The following PHKB variants were observed in gnomAD, a reference collection of about 807,000 sequenced individuals.
The protein encoded by PHKB is phosphorylase b kinase regulatory subunit beta.
A neutral mutation model predicts 152.1 loss-of-function variants in PHKB; 122 were observed. The observed-to-expected ratio is 0.80, with a 90% CI of 0.69 to 0.93. The LOEUF (loss-of-function observed/expected upper bound fraction) is 0.93, where lower values mean the gene tolerates loss of function less well. Ranked by LOEUF, PHKB falls within the 40% of genes least tolerant of loss-of-function variation. PHKB has a pLI of 0.00. For synonymous variants in PHKB, 436 were observed against 464.9 expected (o/e 0.94, Z 0.80); for missense variants, 1,304 against 1,328.4 (o/e 0.98, Z 0.29).
intron 1 of PHKB, among the ~76,000 whole-genome samples, chr16:47,474,853 T>C (rs569486071): frequency 6.6e-6 from 1 of 152,160 alleles, no homozygotes; most frequent in Non-Finnish European, 1.5e-5. Flanking sequence ...GCCTCCCAAG[T>C]AGCTGGGATT....
intron 6 of PHKB, among the ~76,000 whole-genome samples, chr16:47,530,608 C>T (rs1365348447): frequency 6.6e-6 from 1 of 152,048 alleles, no homozygotes; most frequent in Non-Finnish European, 1.5e-5. Context: ...AGATAAACTA[C>T]TAAAAGTCAT....
intron 1 of PHKB, among the ~76,000 whole-genome samples, chr16:47,488,020 G>A (rs777622992): frequency 4.6e-5 from 7 of 152,116 alleles, no homozygotes; most frequent in South Asian, 2.1e-4. Flanking sequence ...AACTGTTTTC[G>A]ACAGTGACTG....
chr16:47,637,890 G>T (rs898465935), intron 14 of PHKB, among the ~76,000 whole-genome samples: 5 of 152,166 alleles, frequency 3.3e-5, no homozygotes, highest in African/African-American at 1.2e-4. Flanking sequence ...TAGATTGAGT[G>T]TCTGGTGTGG....
chr16:47,570,441 A>G (rs1971638870), intron 7 of PHKB, among the ~76,000 whole-genome samples: 2 of 152,256 alleles, frequency 1.3e-5, no homozygotes, highest in South Asian at 2.1e-4. Context: ...GATGTTTTAC[A>G]TGGTCCCGTA....
intron 6 of PHKB, among the ~76,000 whole-genome samples, chr16:47,521,378 G>A (rs1448983351): frequency 6.6e-6 from 1 of 152,134 alleles, no homozygotes; most frequent in Non-Finnish European, 1.5e-5. Context: ...TGTGGGCTGG[G>A]TGCGGTGGCT....
chr16:47,614,783 A>T lies in PHKB; in HGVS notation c.1458+3863A>T, dbSNP rs567266763. 1.9e-3 allele frequency among the ~76,000 whole-genome samples: 294 copies of T among 152,298 alleles called. 1 individual carries two copies. The highest frequency in any genetic ancestry group is 6.8e-3 in the African/African-American group (284 of 41,570). ...TTTGATTAAAGAAGTTCATGGGATG[A>T]TGGATAGTCTATTGTACTGACCTCA... On this transcript the variant is annotated intron_variant, in intron 14 of 30. Transcript: ENST00000323584.
At chr16:47,465,375 C>T (rs1969650327) in intron 1 of PHKB, among the ~76,000 whole-genome samples, 1 of 152,164 alleles carries the variant, frequency 6.6e-6, no homozygotes, top group Non-Finnish European at 1.5e-5. Flanking sequence ...AGCTTTTATG[C>T]ATCAACAGTC....
At chr16:47,590,631 A>C (rs1388468544) in intron 10 of PHKB, 1 of 150,906 alleles carries the variant, frequency 6.6e-6, no homozygotes, top group African/African-American at 2.5e-5. Flanking sequence ...CCTGCAACTA[A>C]CTACCACCTC....
At chr16:47,473,050 T>G (rs8051415) in intron 1 of PHKB, among the ~76,000 whole-genome samples, 17,170 of 150,796 alleles carry the variant, frequency 0.11, 2,074 homozygotes, top group African/African-American at 0.31. Flanking sequence ...GTGTTTTTTT[T>G]TTTGTTTGTT....
At chr16:47,680,115 A>C (rs866287609) in intron 26 of PHKB, among the ~76,000 whole-genome samples, 1 of 152,310 alleles carries the variant, frequency 6.6e-6, no homozygotes, top group South Asian at 2.1e-4. Flanking sequence ...CTCAGGGATG[A>C]AGCCCACTTG....
intron 7 of PHKB, among the ~76,000 whole-genome samples, chr16:47,557,726 A>G (rs1204113790): frequency 6.6e-6 from 1 of 152,174 alleles, no homozygotes; most frequent in Non-Finnish European, 1.5e-5. Context: ...TTAAAAAGTC[A>G]GGAAACAACA....
At chr16:47,669,693 C>T (rs1278914162) in intron 26 of PHKB, among the ~76,000 whole-genome samples, 1 of 152,134 alleles carries the variant, frequency 6.6e-6, no homozygotes, top group East Asian at 1.9e-4. Context: ...ACAGCTGTGT[C>T]GTGTAAAACG....
chr16:47,538,254 A>G (rs1970988535), intron 6 of PHKB, among the ~76,000 whole-genome samples: 1 of 152,200 alleles, frequency 6.6e-6, no homozygotes, highest in South Asian at 2.1e-4. Flanking sequence ...GTGTTATAAA[A>G]TCTAAATAAC....
At chr16:47,500,846 A>G (rs2151643391) in intron 3 of PHKB, among the ~76,000 whole-genome samples, 1 of 152,352 alleles carries the variant, frequency 6.6e-6, no homozygotes, top group South Asian at 2.1e-4. Flanking sequence ...CTTTCTGAAT[A>G]TTAATTTCCT....
chr16:47,629,146 T>C (rs1972771554), intron 14 of PHKB, among the ~76,000 whole-genome samples: 1 of 152,104 alleles, frequency 6.6e-6, no homozygotes, highest in Non-Finnish European at 1.5e-5. Context: ...CCAAAAGCAA[T>C]GGCAACAAAA....
rs143913237 is a variant in PHKB, at chr16:47,671,440, A to T, written c.2630+2023A>T. ...TTTTAATAGAAATATATATTTCATAATTGTTTTCTTTCTTTTACATTTTGA... is the reference window on the plus strand; with the variant it reads ...TTTTAATAGAAATATATATTTCATATTTGTTTTCTTTCTTTTACATTTTGA... On this transcript the variant is annotated intron_variant, in intron 26 of 30. Coordinates refer to ENST00000323584, the MANE Select transcript of PHKB (RefSeq NM_000293.3). Among the ~76,000 whole-genome samples, 1,284 of 152,204 alleles carry T rather than the reference A, an allele frequency of 8.4e-3. 24 individuals are homozygous for T. The highest frequency in any genetic ancestry group is 0.029 in the African/African-American group (1,213 of 41,536).
At chr16:47,539,761 T>A (rs1168423198) in intron 6 of PHKB, among the ~76,000 whole-genome samples, 1 of 152,218 alleles carries the variant, frequency 6.6e-6, no homozygotes, top group African/African-American at 2.4e-5. Flanking sequence ...TCCCAAATAA[T>A]ACTTCCATAA....
At chr16:47,510,554 T>C (rs1970493139) in intron 4 of PHKB, among the ~76,000 whole-genome samples, 2 of 152,168 alleles carry the variant, frequency 1.3e-5, no homozygotes, top group Admixed American at 1.3e-4. Context: ...GTAGACCAAA[T>C]GTGTATTATA....
intron 16 of PHKB, among the ~76,000 whole-genome samples, chr16:47,645,175 C>G (rs912169042): frequency 6.6e-6 from 1 of 151,022 alleles, no homozygotes; most frequent in Non-Finnish European, 1.5e-5. Flanking sequence ...CCTGTTCACT[C>G]TGATGGTAGT....
Sources: gnomAD v4.1 joint callset for allele counts (sites outside exome capture counted in the v4.1 genomes callset) on GRCh38, gnomAD v4.1.1 for gene constraint, MANE v1.5 for transcripts, NCBI Gene and HGNC (gene_info 2026-07-23, HGNC 2026-07-21) for gene names.